PRKG1: variants seen among roughly 807,000 people sequenced by gnomAD.
PRKG1 encodes protein kinase cGMP-dependent 1.
A neutral mutation model predicts 88.1 loss-of-function variants in PRKG1; 35 were observed. That is an observed-to-expected ratio of 0.40 (90% CI 0.30 to 0.53). The LOEUF is 0.53. PRKG1 is among the 20% of genes least tolerant of loss of function. The pLI is 0.59. For synonymous variants in PRKG1, 303 were observed against 292.5 expected, an observed-to-expected ratio of 1.04 and a Z score of -0.37; for missense variants, 540 against 839.8, an observed-to-expected ratio of 0.64 and a Z score of 4.41.
intron 9 of PRKG1, among the ~76,000 whole-genome samples, chr10:52,196,440 C>T (rs1432892371): frequency 6.6e-6 from 1 of 152,086 alleles, no homozygotes; most frequent in Non-Finnish European, 1.5e-5. Flanking sequence ...ATTGCAAACA[C>T]ATGAGAGGAA....
chr10:51,149,948 A>G lies in PRKG1; in HGVS notation c.312-3216A>G, dbSNP rs181149438. On this transcript the variant is annotated intron_variant, in intron 1 of 17. Coordinates refer to ENST00000373980, the MANE Select transcript of PRKG1 (RefSeq NM_006258.4). ...TAATATTTCAGAGGCTGACAATTCA[A>G]TGATGACAAAGGAATAGGGATAGCT... Among the ~76,000 whole-genome samples, 59 of 152,246 alleles carry G rather than the reference A, an allele frequency of 3.9e-4. 1 individual carries two copies. The highest frequency in any genetic ancestry group is 2.8e-3 in the Admixed American group (43 of 15,272).
intron 4 of PRKG1, among the ~76,000 whole-genome samples, chr10:51,856,282 T>A (rs779463201): frequency 2.6e-5 from 4 of 152,226 alleles, no homozygotes; most frequent in Non-Finnish European, 5.9e-5. Context: ...TCCGGGATTA[T>A]GACATGGACA....
chr10:51,677,135 C>A (rs1423287242), intron 3 of PRKG1, among the ~76,000 whole-genome samples: 3 of 152,104 alleles, frequency 2.0e-5, no homozygotes, highest in Admixed American at 6.6e-5. Context: ...TTATACAATG[C>A]CTTTTTTAAT....
intron 12 of PRKG1, among the ~76,000 whole-genome samples, chr10:52,274,766 C>T (rs1318390177): frequency 1.3e-5 from 2 of 152,044 alleles, no homozygotes; most frequent in Non-Finnish European, 2.9e-5. Context: ...CACTGTTTTC[C>T]ATAGCAGCTG....
intron 3 of PRKG1, among the ~76,000 whole-genome samples, chr10:51,493,891 C>T (rs1020220224): frequency 1.3e-5 from 2 of 152,204 alleles, no homozygotes; most frequent in East Asian, 3.9e-4. Context: ...TTGAAATAAA[C>T]CTCTGGAGAG....
At position 51,449,395 on chromosome 10, in the gene PRKG1, G is replaced by T. The variant is rs188281164; in HGVS notation, c.479-18328G>T. Among the ~76,000 whole-genome samples, 780 of 150,946 alleles carry T rather than the reference G, an allele frequency of 5.2e-3. 8 individuals are homozygous for T. Among genetic ancestry groups the T allele is most frequent in the Non-Finnish European group, 9.0e-3 (609 of 67,654 alleles). ...GAACTTATGTAAGCCCTTTTGTCTTGGTCTCACTGAAGAGCTTTAATTTTA... is the reference window on the plus strand; with the variant it reads ...GAACTTATGTAAGCCCTTTTGTCTTTGTCTCACTGAAGAGCTTTAATTTTA... On this transcript the variant is annotated intron_variant, in intron 2 of 17. Coordinates refer to ENST00000373980, the MANE Select transcript of PRKG1 (RefSeq NM_006258.4).
chr10:51,939,403 C>A (rs145623397), intron 5 of PRKG1, among the ~76,000 whole-genome samples: 1 of 151,592 alleles, frequency 6.6e-6, no homozygotes, highest in Non-Finnish European at 1.5e-5. Flanking sequence ...TTTTTTAAAT[C>A]CACAAAAAAT....
chr10:51,264,765 A>T (rs1198430241), intron 2 of PRKG1, among the ~76,000 whole-genome samples: 1 of 152,198 alleles, frequency 6.6e-6, no homozygotes, highest in Non-Finnish European at 1.5e-5. Context: ...GACATGAGAC[A>T]TGTCTTTGAA....
chr10:51,125,183 G>A (rs1204160692), intron 1 of PRKG1, among the ~76,000 whole-genome samples: 1 of 151,832 alleles, frequency 6.6e-6, no homozygotes, highest in Non-Finnish European at 1.5e-5. Flanking sequence ...AATTGGCTGG[G>A]CATTTTGGCA....
chr10:51,190,053 G>A (rs1246742738), intron 2 of PRKG1, among the ~76,000 whole-genome samples: 3 of 151,900 alleles, frequency 2.0e-5, no homozygotes, highest in Non-Finnish European at 4.4e-5. Flanking sequence ...AAAGCAGTTG[G>A]TTATGTGTGT....
At chr10:51,110,173 C>T (rs9414818) in intron 1 of PRKG1, among the ~76,000 whole-genome samples, 4,988 of 152,058 alleles carry the variant, frequency 0.033, 270 homozygotes, top group African/African-American at 0.11. Context: ...CATACATCTA[C>T]CATGAGATCC....
Position 52,169,958 on chromosome 10 carries a change from C to T in PRKG1, c.1076+7995C>T, listed in dbSNP as rs554328103. 1.1e-4 allele frequency among the ~76,000 whole-genome samples: 17 copies of T among 152,106 alleles called. No homozygotes were observed. The East Asian group carries it at 2.9e-3, about 26-fold the overall frequency. ...TCAAAGGTTAAGAGTGAGACCATCT[C>T]CACGGATAAGGTTTATACCACTTTG... On this transcript the variant is annotated intron_variant, in intron 9 of 17. Transcript: ENST00000373980.
chr10:51,998,843 T>G (rs1281369542), intron 5 of PRKG1, among the ~76,000 whole-genome samples: 1 of 152,194 alleles, frequency 6.6e-6, no homozygotes, highest in East Asian at 1.9e-4. Context: ...TTCCCTTCAC[T>G]GTCAAAGTCA....
intron 5 of PRKG1, among the ~76,000 whole-genome samples, chr10:51,919,900 T>C (rs1004759486): frequency 1.3e-5 from 2 of 152,200 alleles, no homozygotes; most frequent in Non-Finnish European, 2.9e-5. Context: ...TTATGCCTGG[T>C]ACTTATTAAA....
chr10:51,815,865 A>G (rs1237227752), intron 4 of PRKG1, among the ~76,000 whole-genome samples: 1 of 152,148 alleles, frequency 6.6e-6, no homozygotes, highest in Non-Finnish European at 1.5e-5. Flanking sequence ...CAGCCCCTGG[A>G]AAGGGAAGCC....
rs1170336221 is a variant in PRKG1, at chr10:51,932,195, G to GT, written c.762+24626dup. Among the ~76,000 whole-genome samples the GT allele has an allele frequency of 5.3e-3, 773 of 145,730 alleles. 6 individuals are homozygous for GT. Among genetic ancestry groups the GT allele is most frequent in the African/African-American group, 0.018 (707 of 38,584 alleles). ...ATTTTATCTTTCCTGAATTGGTTTG[G>GT]TGTTTTTTTTTTTTTAATTGAGGAC... On this transcript the variant is annotated intron_variant, in intron 5 of 17. Coordinates refer to ENST00000373980, the MANE Select transcript of PRKG1 (RefSeq NM_006258.4).
chr10:51,675,606 G>A (rs909817807), intron 3 of PRKG1, among the ~76,000 whole-genome samples: 3 of 152,278 alleles, frequency 2.0e-5, no homozygotes, highest in South Asian at 4.1e-4. Flanking sequence ...ACCAAAAGAT[G>A]TCTAGTTACT....
intron 7 of PRKG1, among the ~76,000 whole-genome samples, chr10:52,064,570 G>A (rs116753579): frequency 2.8e-4 from 43 of 152,310 alleles, no homozygotes; most frequent in South Asian, 8.3e-4. Flanking sequence ...TAGCTGCACC[G>A]GGGAGAAAAG....
chr10:52,092,574 A>C (rs946432355), intron 7 of PRKG1, among the ~76,000 whole-genome samples: 2 of 152,168 alleles, frequency 1.3e-5, no homozygotes, highest in South Asian at 4.1e-4. Flanking sequence ...TGGTGTTAAG[A>C]GTTTACTCTG....
Sources: gnomAD v4.1 joint callset for allele counts (sites outside exome capture counted in the v4.1 genomes callset) on GRCh38, gnomAD v4.1.1 for gene constraint, MANE v1.5 for transcripts, NCBI Gene and HGNC (gene_info 2026-07-23, HGNC 2026-07-21) for gene names.